ANGPT1: variants seen among roughly 807,000 people sequenced by gnomAD.
The protein encoded by ANGPT1 is angiopoietin 1.
ANGPT1 carries 17 observed loss-of-function variants against 62.2 expected under a neutral mutation model. The observed-to-expected ratio is 0.27, with a 90% CI of 0.19 to 0.41. The LOEUF is 0.41. ANGPT1 is among the 10% of genes least tolerant of loss of function. ANGPT1 has a pLI of 1.00. For synonymous variants in ANGPT1, 199 were observed against 198.9 expected, an observed-to-expected ratio of 1.00 and a Z score of 0.00; for missense variants, 478 against 594.9, an observed-to-expected ratio of 0.80 and a Z score of 2.04.
At chr8:107,454,540 T>C (rs1010059380) in intron 1 of ANGPT1, among the ~76,000 whole-genome samples, 9 of 152,072 alleles carry the variant, frequency 5.9e-5, no homozygotes, top group Admixed American at 5.9e-4. Flanking sequence ...ATACATGTCT[T>C]CCTACATGTC....
At position 107,333,957 on chromosome 8, in the gene ANGPT1, A is replaced by AAAAGAAAG. The variant is rs61506555; in HGVS notation, c.575+2185_575+2192dup. On this transcript the variant is annotated intron_variant, in intron 3 of 8. Coordinates refer to ENST00000517746, the MANE Select transcript of ANGPT1 (RefSeq NM_001146.5). ...AAGAAAGAAAGAAAAAGAAAGAAAG[A>AAAAGAAAG]AAAGAAAGAAAGAAAGGAGGGAGGG... Among the ~76,000 whole-genome samples the AAAAGAAAG allele has an allele frequency of 8.5e-5, 11 of 128,934 alleles. No homozygotes were observed. In the East Asian group the frequency reaches 1.7e-3, roughly 20 times the overall value. The allele number at this position is 128,934 out of a possible 152,430, so 84.6% of individuals were successfully genotyped here. A position where few individuals can be genotyped will look rare whatever the true frequency, so the allele number is the denominator to read the frequency against.
chr8:107,263,464 G>A (rs190237613), intron 8 of ANGPT1, among the ~76,000 whole-genome samples: 513 of 151,566 alleles, frequency 3.4e-3, no homozygotes, highest in Middle Eastern at 0.028. Flanking sequence ...AAGGCTCTGA[G>A]ACTATGGATA....
At chr8:107,476,604 A>AATAC (rs1812538594) in intron 1 of ANGPT1, among the ~76,000 whole-genome samples, 1 of 152,060 alleles carries the variant, frequency 6.6e-6, no homozygotes, top group South Asian at 2.1e-4. Context: ...TAAATAAATA[A>AATAC]ATAAATTTGA....
At chr8:107,492,345 A>T (rs1812981182) in intron 1 of ANGPT1, among the ~76,000 whole-genome samples, 1 of 151,964 alleles carries the variant, frequency 6.6e-6, no homozygotes, top group Admixed American at 6.6e-5. Flanking sequence ...TATCTACTTT[A>T]TTTTTTTTGA....
intron 3 of ANGPT1, among the ~76,000 whole-genome samples, chr8:107,324,608 A>G (rs1351274805): frequency 6.6e-6 from 1 of 152,178 alleles, no homozygotes; most frequent in African/African-American, 2.4e-5. Flanking sequence ...AAGAAGAGGA[A>G]GAGGAAAAAG....
chr8:107,366,605 G>A (rs1672164), intron 1 of ANGPT1, among the ~76,000 whole-genome samples: 78,935 of 151,368 alleles, frequency 0.52, 20,608 homozygotes, highest in Admixed American at 0.6. Context: ...TAACAGTTGT[G>A]AAACTTAACT....
chr8:107,298,056 C>T (rs1814462681), intron 5 of ANGPT1, among the ~76,000 whole-genome samples: 1 of 151,860 alleles, frequency 6.6e-6, no homozygotes, highest in African/African-American at 2.4e-5. Context: ...GATCATATGA[C>T]TTGGGCTTAA....
intron 1 of ANGPT1, among the ~76,000 whole-genome samples, chr8:107,488,120 T>C (rs1812861722): frequency 6.6e-6 from 1 of 152,324 alleles, no homozygotes; most frequent in Admixed American, 6.5e-5. Flanking sequence ...ATGTGAAATA[T>C]GGGTGGGCCT....
At chr8:107,440,847 T>C (rs987171602) in intron 1 of ANGPT1, among the ~76,000 whole-genome samples, 1 of 152,242 alleles carries the variant, frequency 6.6e-6, no homozygotes, top group African/African-American at 2.4e-5. Flanking sequence ...ATTTCTGTTT[T>C]TTAAAGTTGA....
intron 5 of ANGPT1, 53 bp from the exon 6 acceptor site, chr8:107,294,090 T>A: frequency 2.8e-6 from 4 of 1,436,250 alleles, no homozygotes; most frequent in Non-Finnish European, 3.9e-6. Context: ...TTAAAAAACA[T>A]ATATCCTACA....
At chr8:107,473,876 G>A (rs1054096787) in intron 1 of ANGPT1, among the ~76,000 whole-genome samples, 8 of 151,924 alleles carry the variant, frequency 5.3e-5, no homozygotes, top group African/African-American at 9.7e-5. Context: ...CAAAGGGAAC[G>A]GGAATGGAAT....
At chr8:107,423,388 T>G (rs1194518324) in intron 1 of ANGPT1, among the ~76,000 whole-genome samples, 2 of 151,784 alleles carry the variant, frequency 1.3e-5, no homozygotes, top group African/African-American at 4.8e-5. Flanking sequence ...CTAAGGGGAG[T>G]TGACTTGCTC....
intron 1 of ANGPT1, among the ~76,000 whole-genome samples, chr8:107,354,531 C>T (rs1816000183): frequency 6.6e-6 from 1 of 152,132 alleles, no homozygotes; most frequent in South Asian, 2.1e-4. Context: ...GTACAAGAGT[C>T]TATAAGGTTT....
intron 1 of ANGPT1, among the ~76,000 whole-genome samples, chr8:107,442,343 T>C (rs1811502900): frequency 6.6e-6 from 1 of 152,196 alleles, no homozygotes; most frequent in Admixed American, 6.5e-5. Flanking sequence ...AAATACAAAC[T>C]AGTGTAGGTC....
At chr8:107,374,890 G>C (rs143447747) in intron 1 of ANGPT1, among the ~76,000 whole-genome samples, 1 of 152,152 alleles carries the variant, frequency 6.6e-6, no homozygotes, top group Non-Finnish European at 1.5e-5. Flanking sequence ...GGCCAGGCGC[G>C]GTGGCTCACG....
At position 107,288,936 on chromosome 8, in the gene ANGPT1, AAAT is replaced by A. The variant is rs1814208512; in HGVS notation, c.1039-4091_1039-4089del. Among the ~76,000 whole-genome samples, 3 of 152,308 alleles carry A rather than the reference AAAT, an allele frequency of 2.0e-5. No homozygotes were observed. The South Asian group carries it at 6.2e-4, about 32-fold the overall frequency. ...CCCCAATAGCCTGTAACTTCCATAA[AAAT>A]AAAAATGAAAGTATATATGAAATTC... On this transcript the variant is annotated intron_variant, in intron 6 of 8. Coordinates refer to ENST00000517746, the MANE Select transcript of ANGPT1 (RefSeq NM_001146.5).
intron 3 of ANGPT1, among the ~76,000 whole-genome samples, chr8:107,335,031 A>G (rs2130116111): frequency 6.6e-6 from 1 of 152,302 alleles, no homozygotes; most frequent in East Asian, 1.9e-4. Context: ...GTTTAATTGT[A>G]ATTGTTGCAT....
chr8:107,453,645 C>A (rs915811824), intron 1 of ANGPT1, among the ~76,000 whole-genome samples: 3 of 151,910 alleles, frequency 2.0e-5, no homozygotes, highest in Non-Finnish European at 2.9e-5. Flanking sequence ...ACAGCCAAAC[C>A]ATATCAAAGT....
intron 4 of ANGPT1, among the ~76,000 whole-genome samples, chr8:107,310,410 C>A (rs1306274191): frequency 2.0e-5 from 3 of 152,016 alleles, no homozygotes; most frequent in Non-Finnish European, 2.9e-5. Flanking sequence ...TAAAGTGAAA[C>A]CCAAATAGAA....
Sources: gnomAD v4.1 joint callset for allele counts (sites outside exome capture counted in the v4.1 genomes callset) on GRCh38, gnomAD v4.1.1 for gene constraint, MANE v1.5 for transcripts, NCBI Gene and HGNC (gene_info 2026-07-23, HGNC 2026-07-21) for gene names.